NHSL2: variants seen among roughly 807,000 people sequenced by gnomAD.
The protein encoded by NHSL2 is NHS-like protein 2.
Under a neutral mutation model 53.4 loss-of-function variants are expected in NHSL2, and 27 were observed. The observed-to-expected ratio is 0.51, with a 90% CI of 0.37 to 0.70. The LOEUF (loss-of-function observed/expected upper bound fraction) is 0.70. NHSL2 is among the 30% of genes least tolerant of loss of function. The pLI is 0.00. For missense variants in NHSL2, 892 were observed against 980.1 expected (o/e 0.91, Z 1.20); for synonymous variants, 408 against 404.1 (o/e 1.01, Z -0.12).
intron 1 of NHSL2, among the ~76,000 whole-genome samples, chrX:72,051,776 G>A (rs1250123020): frequency 9.0e-6 from 1 of 111,266 alleles, no homozygotes; most frequent in East Asian, 2.8e-4. Flanking sequence ...TCTTCCACTT[G>A]CGGGTCTCTC....
In NHSL2 at chrX:71,910,854, G is replaced by C. The variant is rs1403634926; in HGVS notation, c.-234G>C. ...CCGGCGAAGCAGAGTCAGAGGGACTGGTGGCTCCGGCGAGTGTGCAGCCCC... is the reference window on the plus strand; with the variant it reads ...CCGGCGAAGCAGAGTCAGAGGGACTCGTGGCTCCGGCGAGTGTGCAGCCCC... On this transcript the variant is annotated 5_prime_UTR_variant, in exon 1 of 8. Coordinates refer to ENST00000633930, the MANE Select transcript of NHSL2 (RefSeq NM_001013627.3). 9.0e-6 allele frequency: 2 copies of C among 222,133 alleles called. No individual in the cohort carries two copies. The highest frequency in any genetic ancestry group is 1.6e-5 in the Non-Finnish European group (2 of 123,644). 18.3% of individuals were successfully genotyped at this position (222,133 alleles called of 1,213,427 possible).
At chrX:72,067,356 T>C (rs942924063) in intron 1 of NHSL2, among the ~76,000 whole-genome samples, 15 of 111,376 alleles carry the variant, frequency 1.3e-4, no homozygotes, top group Non-Finnish European at 2.6e-4. Flanking sequence ...GGAAATATAA[T>C]CCAGGGTCCC....
At chrX:71,931,874 C>A (rs1286063365) in intron 1 of NHSL2, among the ~76,000 whole-genome samples, 2 of 112,655 alleles carry the variant, frequency 1.8e-5, no homozygotes. Flanking sequence ...TATTCTGGGA[C>A]CTTTGAATTT....
intron 1 of NHSL2, among the ~76,000 whole-genome samples, chrX:71,977,679 C>G (rs1013315822): frequency 2.7e-5 from 3 of 111,500 alleles, no homozygotes; most frequent in Non-Finnish European, 3.8e-5. Flanking sequence ...TCCCAGAGTG[C>G]GAGGATTACA....
At chrX:72,015,621 A>G (rs1378149762) in intron 1 of NHSL2, among the ~76,000 whole-genome samples, 1 of 112,357 alleles carries the variant, frequency 8.9e-6, no homozygotes, top group Non-Finnish European at 1.9e-5. Context: ...AGTGTATGAG[A>G]GTAGCAGTTT....
intron 1 of NHSL2, among the ~76,000 whole-genome samples, chrX:71,981,742 A>G (rs1469901103): frequency 8.9e-6 from 1 of 111,885 alleles, no homozygotes; most frequent in African/African-American, 3.3e-5. Flanking sequence ...ATCATTATCC[A>G]TGAGGGAAAT....
chrX:72,137,017 C>G, intron 4 of NHSL2, 77 bp from the exon 5 acceptor site: 9 of 873,778 alleles, frequency 1.0e-5, no homozygotes, highest in Non-Finnish European at 1.4e-5. Flanking sequence ...TGCCATCATT[C>G]TCTTCTCTCA....
At chrX:71,983,343 G>A (rs1016746387) in intron 1 of NHSL2, among the ~76,000 whole-genome samples, 1 of 108,621 alleles carries the variant, frequency 9.2e-6, no homozygotes, top group Non-Finnish European at 1.9e-5. Context: ...TATGTCTCAC[G>A]CTGGTAATCC....
At chrX:72,005,594 C>T (rs1042855503) in intron 1 of NHSL2, among the ~76,000 whole-genome samples, 1 of 111,976 alleles carries the variant, frequency 8.9e-6, no homozygotes, top group African/African-American at 3.3e-5. Flanking sequence ...TTGAGGGCCA[C>T]TGTGGAGGAA....
chrX:71,962,042 T>C (rs935934002), intron 1 of NHSL2, among the ~76,000 whole-genome samples: 9 of 112,339 alleles, frequency 8.0e-5, no homozygotes, highest in African/African-American at 2.9e-4. Flanking sequence ...GTGAATTTTG[T>C]TTTTTGTTTG....
chrX:71,971,025 T>G (rs1304556933), intron 1 of NHSL2, among the ~76,000 whole-genome samples: 2 of 112,029 alleles, frequency 1.8e-5, no homozygotes, highest in Non-Finnish European at 3.8e-5. Flanking sequence ...TGAAGTGATC[T>G]TCCTGCTTCA....
intron 1 of NHSL2, among the ~76,000 whole-genome samples, chrX:72,074,597 A>G (rs910136118): frequency 6.2e-5 from 7 of 112,421 alleles, no homozygotes; most frequent in African/African-American, 2.3e-4. Flanking sequence ...AGAAGGAAAC[A>G]AAAAGTAGGT....
At chrX:71,957,026 C>A (rs763311209) in intron 1 of NHSL2, among the ~76,000 whole-genome samples, 1 of 111,898 alleles carries the variant, frequency 8.9e-6, no homozygotes, top group African/African-American at 3.3e-5. Flanking sequence ...CTTAAGTTTT[C>A]TTAGACTGGA....
chrX:72,015,762 T>C (rs2042133139), intron 1 of NHSL2, among the ~76,000 whole-genome samples: 3 of 112,593 alleles, frequency 2.7e-5, no homozygotes, highest in Admixed American at 9.4e-5. Flanking sequence ...TCTTTTCAAA[T>C]GTCTGTTGGC....
intron 1 of NHSL2, among the ~76,000 whole-genome samples, chrX:72,063,971 T>C (rs1411875175): frequency 1.8e-5 from 2 of 110,862 alleles, no homozygotes; most frequent in Admixed American, 9.6e-5. Context: ...GAAAGCTTCA[T>C]GGGGGAGGAG....
chrX:72,032,176 G>T (rs1037431868), intron 1 of NHSL2, among the ~76,000 whole-genome samples: 5 of 111,500 alleles, frequency 4.5e-5, no homozygotes, highest in African/African-American at 1.3e-4. Flanking sequence ...CGGATCACCT[G>T]AGGTCAGGAG....
At chrX:71,945,486 C>G (rs753437762) in intron 1 of NHSL2, among the ~76,000 whole-genome samples, 5 of 111,821 alleles carry the variant, frequency 4.5e-5, no homozygotes, top group Non-Finnish European at 7.5e-5. Context: ...TGCGTCCCCC[C>G]ACCCCGCAAC....
chrX:72,014,617 T>C (rs914793714), intron 1 of NHSL2, among the ~76,000 whole-genome samples: 2 of 112,314 alleles, frequency 1.8e-5, no homozygotes. Context: ...CTTTCTGTTA[T>C]TGATTTCCAA....
At chrX:72,034,153 G>A (rs1169138285) in intron 1 of NHSL2, among the ~76,000 whole-genome samples, 1 of 111,867 alleles carries the variant, frequency 8.9e-6, no homozygotes, top group African/African-American at 3.3e-5. Flanking sequence ...CAAATGATTT[G>A]CTGAATCCAT....
Sources: gnomAD v4.1 joint callset for allele counts (sites outside exome capture counted in the v4.1 genomes callset) on GRCh38, gnomAD v4.1.1 for gene constraint, MANE v1.5 for transcripts, NCBI Gene and HGNC (gene_info 2026-07-23, HGNC 2026-07-21) for gene names.